The following ABCA12 variants were observed in gnomAD, a reference collection of about 807,000 sequenced individuals.
ABCA12 encodes the protein glucosylceramide transporter ABCA12.
In ABCA12, 156 loss-of-function variants were observed where a neutral mutation model predicts 293.5. The ratio of observed to expected loss-of-function variants is 0.53; its 90% CI spans 0.47 to 0.61. The LOEUF is 0.61. Among genes scored for constraint, ABCA12 ranks in the 20% least tolerant of loss-of-function variants. The probability of loss-of-function intolerance (pLI) is 0.00; values close to 1 mark genes in which losing one functional copy is unlikely to be tolerated. For synonymous variants in ABCA12, 1,063 were observed against 1,108.0 expected, an observed-to-expected ratio of 0.96 and a Z score of 0.81; for missense variants, 2,797 against 3,090.2, an observed-to-expected ratio of 0.91 and a Z score of 2.25.
rs138077730 is a variant in ABCA12, at chr2:215,076,279, G to A, written c.164-12060C>T. The stretch of plus-strand genomic sequence containing the variant: ...CTCTCTCTTCGCAGATCCATTTTTC[G>A]TCAAAGTTACTGTCTCATTAAGGGG... On this transcript the variant is annotated intron_variant, in intron 2 of 52. Transcript: ENST00000272895. Among the ~76,000 whole-genome samples the A allele has an allele frequency of 3.0e-3, 461 of 152,188 alleles. 3 individuals carry two copies. Among genetic ancestry groups the A allele is most frequent in the African/African-American group, 0.01 (433 of 41,510 alleles).
At chr2:214,940,206 C>T (rs1484015427) in intron 50 of ABCA12, among the ~76,000 whole-genome samples, 1 of 152,158 alleles carries the variant, frequency 6.6e-6, no homozygotes, top group South Asian at 2.1e-4. Context: ...GTCTATTCTG[C>T]ATCTATTGAG....
intron 2 of ABCA12, 26 bp from the exon 3 acceptor site, chr2:215,064,245 A>G (rs1331207073): frequency 1.2e-6 from 2 of 1,610,096 alleles, no homozygotes; most frequent in South Asian, 2.2e-5. Flanking sequence ...CAGTCATTAC[A>G]TCAGTATGGC....
intron 2 of ABCA12, among the ~76,000 whole-genome samples, chr2:215,076,335 A>G (rs919133230): frequency 2.0e-5 from 3 of 152,222 alleles, no homozygotes; most frequent in Admixed American, 6.5e-5. Context: ...CCCTGGTGGT[A>G]TGTTCCCACG....
intron 2 of ABCA12, chr2:215,080,780 T>TG (rs1290406335): frequency 6.5e-6 from 1 of 153,074 alleles, no homozygotes; most frequent in Non-Finnish European, 1.5e-5. Flanking sequence ...GCCGCTCCAT[T>TG]GGGAAGTCAA....
At chr2:215,099,789 G>C (rs1264462845) in intron 2 of ABCA12, among the ~76,000 whole-genome samples, 3 of 152,002 alleles carry the variant, frequency 2.0e-5, no homozygotes, top group African/African-American at 7.2e-5. Flanking sequence ...TTGTTATAGA[G>C]CAACAGATAA....
intron 2 of ABCA12, among the ~76,000 whole-genome samples, chr2:215,067,228 T>C (rs1158607439): frequency 6.6e-6 from 1 of 152,120 alleles, no homozygotes; most frequent in Non-Finnish European, 1.5e-5. Context: ...GTTCTGAAAT[T>C]ACATTCCCCT....
intron 28 of ABCA12, among the ~76,000 whole-genome samples, chr2:214,984,094 C>CTTTT (rs397987755): frequency 0.76 from 70,652 of 93,322 alleles, 27,367 homozygotes; most frequent in Middle Eastern, 0.82. Context: ...ACGATCAGGC[C>CTTTT]TTTTTTTTTT....
At chr2:215,004,499 G>C (rs564387215) in intron 19 of ABCA12, among the ~76,000 whole-genome samples, 200 bp from the exon 20 acceptor site, 278 of 152,306 alleles carry the variant, frequency 1.8e-3, no homozygotes, top group African/African-American at 6.4e-3. Context: ...CTGGGCTGTT[G>C]CTTGTCTATA....
intron 4 of ABCA12, among the ~76,000 whole-genome samples, chr2:215,054,346 T>C (rs942837792): frequency 9.9e-5 from 15 of 152,118 alleles, no homozygotes; most frequent in Non-Finnish European, 1.5e-4. Flanking sequence ...ATGTAGGCTT[T>C]TGCTCCTATG....
chr2:215,112,397 T>G (rs1702591588), intron 1 of ABCA12, among the ~76,000 whole-genome samples: 1 of 150,472 alleles, frequency 6.6e-6, no homozygotes, highest in Non-Finnish European at 1.5e-5. Context: ...GTAGGGGCAG[T>G]GTCTTATTGA....
chr2:215,096,247 A>G (rs968632659), intron 2 of ABCA12, among the ~76,000 whole-genome samples: 1 of 152,148 alleles, frequency 6.6e-6, no homozygotes. Context: ...ACTCCCCAAC[A>G]ATGCTATGAA....
chr2:215,123,477 A>C (rs1702851344), intron 1 of ABCA12, among the ~76,000 whole-genome samples: 1 of 151,996 alleles, frequency 6.6e-6, no homozygotes, highest in Admixed American at 6.6e-5. Flanking sequence ...GGCGTCCCAC[A>C]TTTTCTTTAT....
intron 2 of ABCA12, among the ~76,000 whole-genome samples, chr2:215,099,609 C>T (rs1380896107): frequency 3.3e-5 from 5 of 151,002 alleles, no homozygotes; most frequent in African/African-American, 1.2e-4. Context: ...AGTAGGATCA[C>T]TTGAACACAG....
At chr2:215,092,217 TC>T (rs1702162233) in intron 2 of ABCA12, among the ~76,000 whole-genome samples, 3 of 152,282 alleles carry the variant, frequency 2.0e-5, no homozygotes, top group African/African-American at 7.2e-5. Flanking sequence ...TTCCCTTGCC[TC>T]CATAACTGTT....
At chr2:215,018,235 C>T in intron 13 of ABCA12, 103 bp from the exon 14 acceptor site, 2 of 1,437,608 alleles carry the variant, frequency 1.4e-6, no homozygotes, top group Non-Finnish European at 1.9e-6. Flanking sequence ...GACATACGTG[C>T]CTTCTCAGGG....
Position 215,098,035 on chromosome 2 carries a change from GT to G in ABCA12, c.163+13561del, listed in dbSNP as rs1702282538. ...TTAAAGCTAACAGGATTCAGTGGAGGTAAGTCAAGTTTTCACAGGAGTTAGG... is the reference window on the plus strand; with the variant it reads ...TTAAAGCTAACAGGATTCAGTGGAGGAAGTCAAGTTTTCACAGGAGTTAGG... On this transcript the variant is annotated intron_variant, in intron 2 of 52. Transcript: ENST00000272895. 3.3e-5 allele frequency among the ~76,000 whole-genome samples: 5 copies of G among 152,272 alleles called. No individual in the cohort carries two copies. The South Asian group carries it at 1.0e-3, about 32-fold the overall frequency.
At chr2:215,053,352 C>A (rs947115321) in intron 4 of ABCA12, among the ~76,000 whole-genome samples, 1 of 152,096 alleles carries the variant, frequency 6.6e-6, no homozygotes, top group Non-Finnish European at 1.5e-5. Flanking sequence ...ACCAGTGACT[C>A]ATCAGCAGTA....
At chr2:215,091,126 G>T (rs2372484) in intron 2 of ABCA12, among the ~76,000 whole-genome samples, 150,577 of 152,088 alleles carry the variant, frequency 0.99, 74,552 homozygotes, top group Middle Eastern at 1. Context: ...TCATCCCAAA[G>T]CTTTCTTCTT....
rs17492389 is a variant in ABCA12 at position 214,949,195 on chromosome 2, A to G, written c.6853-46T>C. On this transcript the variant is annotated intron_variant, in intron 45 of 52. Transcript: ENST00000272895. The stretch of plus-strand genomic sequence containing the variant: ...AAGATATAAGCCTTAATCCAAACCA[A>G]TGAGACATTGCTTTTGTATCTCTCC... 28,375 of 1,345,312 alleles carry G rather than the reference A, an allele frequency of 0.021. 374 individuals carry two copies. The highest frequency in any genetic ancestry group is 0.025 in the Non-Finnish European group (23,631 of 935,716). 83.3% of individuals were successfully genotyped at this position (1,345,312 alleles called of 1,614,324 possible). A position where few individuals can be genotyped will look rare whatever the true frequency, so the allele number is the denominator to read the frequency against.
Sources: allele counts gnomAD v4.1 joint callset (sites outside exome capture counted in the v4.1 genomes callset), GRCh38; gene constraint gnomAD v4.1.1; transcripts MANE v1.5; gene names NCBI Gene and HGNC (gene_info 2026-07-23, HGNC 2026-07-21).